TMEM223: variants seen among roughly 807,000 people sequenced by gnomAD.
TMEM223 encodes transmembrane protein 223.
A neutral mutation model predicts 14.1 loss-of-function variants in TMEM223; 14 were observed. That is an observed-to-expected ratio of 0.99 (90% CI 0.66 to 1.55). The LOEUF is 1.55. TMEM223 is among the 40% of genes most tolerant of loss of function. The pLI is 0.00. For missense variants in TMEM223, 346 were observed against 269.9 expected, an observed-to-expected ratio of 1.28 and a Z score of -1.97; for synonymous variants, 145 against 120.5, an observed-to-expected ratio of 1.20 and a Z score of -1.33.
chr11:62,786,466 G>A, downstream of TMEM223: 2 of 1,591,566 alleles, frequency 1.3e-6, no homozygotes, highest in Non-Finnish European at 1.7e-6. Context: ...AATATTTGAT[G>A]GGCCCAGGTT....
chr11:62,787,970 G>A (rs985112058), downstream of TMEM223: 19 of 471,190 alleles, frequency 4.0e-5, no homozygotes, highest in African/African-American at 9.9e-5. Flanking sequence ...CAAAATGAGA[G>A]ATGGAGAAAA....
intron 1 of TMEM223, among the ~76,000 whole-genome samples, chr11:62,791,229 A>C (rs1398444108): frequency 6.6e-6 from 1 of 152,002 alleles, no homozygotes; most frequent in Non-Finnish European, 1.5e-5. Flanking sequence ...AGGCTATGAC[A>C]GGGCACGGCG....
intron 2 of TMEM223, among the ~76,000 whole-genome samples, chr11:62,772,447 A>C (rs1441261551): frequency 1.3e-5 from 2 of 151,102 alleles, no homozygotes; most frequent in Non-Finnish European, 2.9e-5. Flanking sequence ...TGCTTGAACC[A>C]GGGAGGCAGA....
rs765889840 is a variant in TMEM223 at position 62,782,150 on chromosome 11, G to A, written c.315-7485C>T. The A allele has an allele frequency of 2.1e-5, 34 of 1,613,078 alleles. No homozygotes were observed. Among genetic ancestry groups the A allele is most frequent in the South Asian group, 7.7e-5 (7 of 91,014 alleles). ...AGCCATGACCTGGAGCAACTGCACC[G>A]GCTGCTGCAGGTGGCACGGAGCCTA... On this transcript the variant is annotated intron_variant, in intron 1 of 2. Transcript: ENST00000528367.
intron 1 of TMEM223, among the ~76,000 whole-genome samples, chr11:62,779,953 T>TAC (rs1590935090): frequency 2.1e-3 from 189 of 88,182 alleles, no homozygotes; most frequent in South Asian, 4.0e-3. Flanking sequence ...GGCGTGAGCC[T>TAC]ATATATATAT....
At chr11:62,785,409 G>A (rs919754592), downstream of TMEM223, among the ~76,000 whole-genome samples, 2 of 150,170 alleles carry the variant, frequency 1.3e-5, no homozygotes, top group Non-Finnish European at 3.0e-5. Flanking sequence ...GCCAGGGCTC[G>A]TCTCGAACTC....
At chr11:62,776,094 A>G (rs927595817) in intron 1 of TMEM223, among the ~76,000 whole-genome samples, 1 of 152,250 alleles carries the variant, frequency 6.6e-6, no homozygotes, top group African/African-American at 2.4e-5. Context: ...CTGGGCTTCC[A>G]GCAGACAAAG....
Position 62,779,386 on chromosome 11 carries a change from G to A in TMEM223, c.315-4721C>T, listed in dbSNP as rs183915341. ...ATTTTTTGTATTTTTTAGTAGAGACGGGGTTTCACCGTGTTAGCCAGGATG... is the reference window on the plus strand; with the variant it reads ...ATTTTTTGTATTTTTTAGTAGAGACAGGGTTTCACCGTGTTAGCCAGGATG... On this transcript the variant is annotated intron_variant, in intron 1 of 2. Coordinates refer to the TMEM223 transcript ENST00000528367. Among the ~76,000 whole-genome samples, 504 of 151,838 alleles carry A rather than the reference G, an allele frequency of 3.3e-3. 1 individual carries two copies. Among genetic ancestry groups the A allele is most frequent in the Non-Finnish European group, 5.2e-3 (355 of 67,928 alleles).
chr11:62,778,492 C>A, intron 1 of TMEM223: 1 of 861,166 alleles, frequency 1.2e-6, no homozygotes, highest in Non-Finnish European at 1.8e-6. Context: ...GCATGGAGGG[C>A]TCAGAGTTGG....
chr11:62,772,106 T>G (rs1376167274), exon 3 of TMEM223: 1 of 456,238 alleles, frequency 2.2e-6, no homozygotes, highest in South Asian at 1.5e-5. Context: ...CATGGAACAT[T>G]TAGCCTCTGA....
At chr11:62,787,943 C>T (rs1021926455), downstream of TMEM223, 1 of 487,926 alleles carries the variant, frequency 2.0e-6, no homozygotes. Flanking sequence ...ATGATTGTAG[C>T]ACAGTGTGTT....
intron 1 of TMEM223, chr11:62,779,019 GT>G (rs373542247): frequency 0.14 from 127,647 of 907,872 alleles, no homozygotes; most frequent in Middle Eastern, 0.25. Context: ...TTCTAGACCT[GT>G]TTTTTTTTTT....
At chr11:62,785,952 G>A (rs534912730), downstream of TMEM223, 7 of 216,800 alleles carry the variant, frequency 3.2e-5, no homozygotes, top group East Asian at 6.9e-4. Flanking sequence ...TTGCCTGATT[G>A]TATAGGGTAG....
At chr11:62,786,741 C>T (rs2084281586), downstream of TMEM223, 1 of 1,613,048 alleles carries the variant, frequency 6.2e-7, no homozygotes, top group African/African-American at 1.3e-5. Flanking sequence ...TGACCCTGGC[C>T]GACATCTACC....
Position 62,790,065 on chromosome 11 carries a change from T to C in TMEM223, c.*558A>G. 6.3e-7 allele frequency: 1 copy of C among 1,590,650 alleles called. No individual in the cohort carries two copies. The highest frequency in any genetic ancestry group is 2.3e-5 in the East Asian group (1 of 44,410). ...ATTCCTGAAGAATAAGCGGAGTGCT[T>C]CCTGCAGCCGAAGACTCCATGCCCA... On this transcript the variant is annotated 3_prime_UTR_variant, in exon 2 of 2. Coordinates refer to ENST00000307366, the MANE Select transcript of TMEM223 (RefSeq NM_001080501.3).
chr11:62,780,331 T>G (rs2084219401), intron 1 of TMEM223, among the ~76,000 whole-genome samples: 1 of 150,692 alleles, frequency 6.6e-6, no homozygotes, highest in South Asian at 2.1e-4. Context: ...GCTAACATGG[T>G]GAAACCCCGT....
At chr11:62,774,323 G>A (rs904083846) in intron 2 of TMEM223, among the ~76,000 whole-genome samples, 1 of 152,124 alleles carries the variant, frequency 6.6e-6, no homozygotes, top group Non-Finnish European at 1.5e-5. Flanking sequence ...TGATCCGCCT[G>A]CCTCGGCCTC....
downstream of TMEM223, chr11:62,789,535 T>C: frequency 6.4e-7 from 1 of 1,570,938 alleles, no homozygotes. Flanking sequence ...CACAGGGCAC[T>C]GGGCACAGGT....
At chr11:62,779,964 A>G (rs2084215207) in intron 1 of TMEM223, among the ~76,000 whole-genome samples, 1 of 68,324 alleles carries the variant, frequency 1.5e-5, no homozygotes, top group Non-Finnish European at 3.6e-5. Context: ...ATATATATAT[A>G]TATATATATA....
Sources: gnomAD v4.1 joint callset for allele counts (sites outside exome capture counted in the v4.1 genomes callset) on GRCh38, gnomAD v4.1.1 for gene constraint, MANE v1.5 for transcripts, NCBI Gene and HGNC (gene_info 2026-07-23, HGNC 2026-07-21) for gene names.